Variants in ALKAL1 observed in about 807,000 individuals in gnomAD.
The protein encoded by ALKAL1 is ALK and LTK ligand 1, also known as AUG-beta.
ALKAL1 carries 23 observed loss-of-function variants against 13.5 expected under a neutral mutation model. The ratio of observed to expected loss-of-function variants is 1.70; its 90% CI spans 1.23 to 2.41. The LOEUF is 2.41. Ranked by LOEUF, ALKAL1 falls within the 30% of genes most tolerant of loss-of-function variation. ALKAL1 has a pLI of 0.00. For synonymous variants in ALKAL1, 85 were observed against 77.7 expected (o/e 1.09, Z -0.49); for missense variants, 181 against 178.4 (o/e 1.01, Z -0.08).
At chr8:52,537,989 G>T (rs892209589) in intron 4 of ALKAL1, among the ~76,000 whole-genome samples, 4 of 151,848 alleles carry the variant, frequency 2.6e-5, no homozygotes, top group African/African-American at 7.3e-5. Flanking sequence ...CCAGCTACTT[G>T]AGAGGCTGAG....
At chr8:52,538,169 C>T (rs572352926) in intron 4 of ALKAL1, among the ~76,000 whole-genome samples, 15 of 150,954 alleles carry the variant, frequency 9.9e-5, no homozygotes, top group African/African-American at 3.2e-4. Flanking sequence ...ACATGAGGAA[C>T]GGGTTCTGGG....
At chr8:52,557,095 T>C (rs574617471) in intron 1 of ALKAL1, among the ~76,000 whole-genome samples, 4 of 152,380 alleles carry the variant, frequency 2.6e-5, no homozygotes, top group Admixed American at 2.6e-4. Flanking sequence ...TTGTTTTTCC[T>C]TTCTCAGCAT....
At position 52,565,428 on chromosome 8, in the gene ALKAL1, A is replaced by G. The variant is rs1187950296; in HGVS notation, c.-172T>C. 1 of 438,290 alleles carries G rather than the reference A, an allele frequency of 2.3e-6. No homozygotes were observed. The highest frequency in any genetic ancestry group is 3.8e-6 in the Non-Finnish European group (1 of 260,860). 27.2% of individuals were successfully genotyped at this position (438,290 alleles called of 1,614,324 possible). On this transcript the variant is annotated 5_prime_UTR_variant, in exon 1 of 5. Coordinates refer to ENST00000358543, the MANE Select transcript of ALKAL1 (RefSeq NM_207413.4). ...CGTCCCGGGGGTCGGCTGGAGCTGC[A>G]CTGGGACTCGGTCCTCAGTGTGCCG...
At chr8:52,560,127 A>C (rs534652019) in intron 1 of ALKAL1, among the ~76,000 whole-genome samples, 1 of 152,270 alleles carries the variant, frequency 6.6e-6, no homozygotes, top group South Asian at 2.1e-4. Context: ...AGGAAGAAAA[A>C]AACGCTATCT....
intron 1 of ALKAL1, among the ~76,000 whole-genome samples, chr8:52,557,544 TAACCA>T (rs1048265295): frequency 6.6e-6 from 1 of 152,264 alleles, no homozygotes; most frequent in African/African-American, 2.4e-5. Context: ...TTCTCACATG[TAACCA>T]TTATGTAATA....
At chr8:52,546,251 A>T (rs1847367347) in intron 1 of ALKAL1, among the ~76,000 whole-genome samples, 1 of 152,188 alleles carries the variant, frequency 6.6e-6, no homozygotes, top group South Asian at 2.1e-4. Flanking sequence ...TGTGTTTGTG[A>T]ATAAAGCTCT....
intron 1 of ALKAL1, among the ~76,000 whole-genome samples, chr8:52,555,374 G>C (rs987399488): frequency 6.6e-6 from 1 of 152,006 alleles, no homozygotes; most frequent in Admixed American, 6.6e-5. Context: ...TTCGGGTTTT[G>C]CTGACCCTGG....
chr8:52,536,546 G>A (rs535204662), intron 4 of ALKAL1, among the ~76,000 whole-genome samples: 8 of 152,206 alleles, frequency 5.3e-5, no homozygotes, highest in Admixed American at 2.6e-4. Flanking sequence ...TTTCACTCTT[G>A]TAAAGTAATA....
intron 4 of ALKAL1, among the ~76,000 whole-genome samples, chr8:52,536,845 A>G (rs1847270674): frequency 1.3e-5 from 2 of 152,226 alleles, no homozygotes; most frequent in Non-Finnish European, 2.9e-5. Flanking sequence ...GTTGTCAAAA[A>G]ACTATTTTAA....
At chr8:52,550,215 T>C (rs1353169081) in intron 1 of ALKAL1, among the ~76,000 whole-genome samples, 1 of 152,222 alleles carries the variant, frequency 6.6e-6, no homozygotes, top group African/African-American at 2.4e-5. Flanking sequence ...ATTTAGGCTG[T>C]AAATTACGCA....
chr8:52,545,018 C>T (rs991768479), intron 1 of ALKAL1, among the ~76,000 whole-genome samples: 3 of 152,090 alleles, frequency 2.0e-5, no homozygotes, highest in African/African-American at 7.2e-5. Flanking sequence ...TGGGCTCAAG[C>T]GATCCTCCCA....
intron 1 of ALKAL1, among the ~76,000 whole-genome samples, chr8:52,562,056 G>A (rs1213968758): frequency 6.6e-6 from 1 of 152,130 alleles, no homozygotes; most frequent in African/African-American, 2.4e-5. Flanking sequence ...TGAGTGCTCT[G>A]ATGTTTCTTT....
At chr8:52,535,861 T>C (rs958427133) in intron 4 of ALKAL1, among the ~76,000 whole-genome samples, 1 of 152,150 alleles carries the variant, frequency 6.6e-6, no homozygotes, top group Non-Finnish European at 1.5e-5. Context: ...TCCATGCAGT[T>C]ATGTGGGATA....
rs1336880549 is a variant in ALKAL1, at chr8:52,565,264, AGCCGGGAG to A, written c.-16_-9del. ...GGGCTTAAGGGGCCGCATGTTCGCA[AGCCGGGAG>A]GAGAGAGCGGGAGACTCCGGGAGGA... On this transcript the variant is annotated 5_prime_UTR_variant, in exon 1 of 5. Transcript: ENST00000358543. The A allele has an allele frequency of 3.7e-5, 48 of 1,302,862 alleles. No homozygotes were observed. Among genetic ancestry groups the A allele is most frequent in the Non-Finnish European group, 4.4e-5 (45 of 1,016,942 alleles). 80.7% of individuals were successfully genotyped at this position (1,302,862 alleles called of 1,614,324 possible).
intron 1 of ALKAL1, among the ~76,000 whole-genome samples, chr8:52,545,023 C>T (rs1847356076): frequency 6.6e-6 from 1 of 152,142 alleles, no homozygotes; most frequent in African/African-American, 2.4e-5. Flanking sequence ...TCAAGCGATC[C>T]TCCCACCTCA....
chr8:52,551,172 G>A (rs995106625), intron 1 of ALKAL1, among the ~76,000 whole-genome samples: 2 of 152,122 alleles, frequency 1.3e-5, no homozygotes, highest in African/African-American at 4.8e-5. Context: ...TCTGTAATGT[G>A]AGGTTTTATT....
chr8:52,537,554 C>T (rs908078485), intron 4 of ALKAL1, among the ~76,000 whole-genome samples: 2 of 152,046 alleles, frequency 1.3e-5, no homozygotes, highest in African/African-American at 4.8e-5. Flanking sequence ...TCCACAATAG[C>T]CAAGATAGGC....
chr8:52,545,694 C>G (rs1041194479), intron 1 of ALKAL1, among the ~76,000 whole-genome samples: 1 of 152,186 alleles, frequency 6.6e-6, no homozygotes, highest in African/African-American at 2.4e-5. Context: ...GCAGGACCAC[C>G]TGAGGCTGTG....
At chr8:52,538,103 A>T (rs1225824404) in intron 4 of ALKAL1, among the ~76,000 whole-genome samples, 1 of 151,170 alleles carries the variant, frequency 6.6e-6, no homozygotes, top group Non-Finnish European at 1.5e-5. Context: ...AAAAAAAAAA[A>T]GGCTAAAGAG....
Sources: gnomAD v4.1 joint callset for allele counts (sites outside exome capture counted in the v4.1 genomes callset) on GRCh38, gnomAD v4.1.1 for gene constraint, MANE v1.5 for transcripts, NCBI Gene and HGNC (gene_info 2026-07-23, HGNC 2026-07-21) for gene names.